TNFSF4: variants seen among roughly 807,000 people sequenced by gnomAD.
TNFSF4 encodes the protein TNF superfamily member 4, also known as tumor necrosis factor ligand superfamily member 4.
A neutral mutation model predicts 7.3 loss-of-function variants in TNFSF4; 4 were observed. The ratio of observed to expected loss-of-function variants is 0.55; its 90% CI spans 0.27 to 1.25. The LOEUF is 1.25. Ranked by LOEUF, TNFSF4 falls within the 50% of genes most tolerant of loss-of-function variation. The pLI is 0.12. For synonymous variants in TNFSF4, 76 were observed against 83.7 expected, an observed-to-expected ratio of 0.91 and a Z score of 0.50; for missense variants, 181 against 208.8, an observed-to-expected ratio of 0.87 and a Z score of 0.82.
chr1:173,420,213 C>CA, the TNFSF4 span, among the ~76,000 whole-genome samples: 232 of 146,792 alleles, frequency 1.6e-3, 3 homozygotes, highest in African/African-American at 8.5e-4. Context: ...AACAAACAAA[C>CA]AAAAAAAAAA....
chr1:173,371,765 A>C, the TNFSF4 span, among the ~76,000 whole-genome samples: 4 of 152,156 alleles, frequency 2.6e-5, no homozygotes, highest in Non-Finnish European at 4.4e-5. Context: ...CTCAAATACC[A>C]GAGGAAGCAG....
At chr1:173,313,099 A>G in the TNFSF4 span, among the ~76,000 whole-genome samples, 6 of 152,048 alleles carry the variant, frequency 3.9e-5, no homozygotes, top group South Asian at 4.1e-4. Flanking sequence ...TTTCTACTAA[A>G]TAGTTGAAAA....
chr1:173,448,278 T>C, the TNFSF4 span, among the ~76,000 whole-genome samples: 6 of 152,176 alleles, frequency 3.9e-5, no homozygotes, highest in African/African-American at 1.2e-4. Flanking sequence ...TTTACCTTTA[T>C]AAAACACTCT....
At chr1:173,429,837 C>A in the TNFSF4 span, among the ~76,000 whole-genome samples, 4 of 152,196 alleles carry the variant, frequency 2.6e-5, no homozygotes, top group African/African-American at 9.7e-5. Flanking sequence ...TGCCAAGACC[C>A]CTTAAAGTGA....
At chr1:173,187,159 C>T (rs1189814733) in intron 2 of TNFSF4, among the ~76,000 whole-genome samples, 1 of 152,112 alleles carries the variant, frequency 6.6e-6, no homozygotes, top group African/African-American at 2.4e-5. Flanking sequence ...AATGTTAACA[C>T]TAATGCCCAA....
upstream of TNFSF4, among the ~76,000 whole-genome samples, chr1:173,211,240 C>T (rs946292060): frequency 3.9e-5 from 6 of 152,154 alleles, no homozygotes; most frequent in South Asian, 2.1e-4. Flanking sequence ...AGAGTGATGT[C>T]GGAGGTGACA....
At chr1:173,349,412 G>A in the TNFSF4 span, among the ~76,000 whole-genome samples, 3 of 152,152 alleles carry the variant, frequency 2.0e-5, no homozygotes, top group Admixed American at 6.5e-5. Flanking sequence ...AAATGTATTC[G>A]ATGGACTTTT....
At chr1:173,307,634 G>C in the TNFSF4 span, among the ~76,000 whole-genome samples, 1 of 151,844 alleles carries the variant, frequency 6.6e-6, no homozygotes, top group South Asian at 2.1e-4. Flanking sequence ...ATGTAAAGAA[G>C]GTCTTTTGTT....
chr1:173,377,244 C>A, the TNFSF4 span, among the ~76,000 whole-genome samples: 1 of 152,182 alleles, frequency 6.6e-6, no homozygotes, highest in Admixed American at 6.5e-5. Flanking sequence ...CTATTCTGTC[C>A]TATTTTTCCT....
the TNFSF4 span, among the ~76,000 whole-genome samples, chr1:173,450,560 ATAT>A: frequency 6.6e-6 from 1 of 151,840 alleles, no homozygotes; most frequent in Non-Finnish European, 1.5e-5. Flanking sequence ...TATTTAAAAG[ATAT>A]TAATAATATG....
At chr1:173,208,913 T>C (rs1038567388), upstream of TNFSF4, among the ~76,000 whole-genome samples, 3 of 150,156 alleles carry the variant, frequency 2.0e-5, no homozygotes, top group South Asian at 2.1e-4. Context: ...TAGTAAAAAC[T>C]ATTCATGCTG....
the TNFSF4 span, among the ~76,000 whole-genome samples, chr1:173,229,505 T>C: frequency 1.3e-5 from 2 of 152,168 alleles, no homozygotes; most frequent in Non-Finnish European, 2.9e-5. Context: ...CCATCGATGC[T>C]AGGAAGAAAT....
chr1:173,333,342 C>T, the TNFSF4 span, among the ~76,000 whole-genome samples: 7 of 152,040 alleles, frequency 4.6e-5, no homozygotes, highest in East Asian at 1.4e-3. Context: ...AACATAAAAG[C>T]TGACCCTCTT....
At chr1:173,314,076 C>T in the TNFSF4 span, among the ~76,000 whole-genome samples, 2 of 151,876 alleles carry the variant, frequency 1.3e-5, no homozygotes, top group African/African-American at 4.8e-5. Context: ...ATCCTACTGT[C>T]ATCTTTACAT....
At chr1:173,391,450 A>G in the TNFSF4 span, among the ~76,000 whole-genome samples, 2 of 128,818 alleles carry the variant, frequency 1.6e-5, no homozygotes, top group African/African-American at 5.2e-5. Context: ...AAAAAAAAAA[A>G]AAAAAAAAAA....
chr1:173,434,844 T>C, the TNFSF4 span, among the ~76,000 whole-genome samples: 1 of 152,220 alleles, frequency 6.6e-6, no homozygotes, highest in African/African-American at 2.4e-5. Context: ...TCCAGAGAAA[T>C]TCTCAGTGTC....
the TNFSF4 span, among the ~76,000 whole-genome samples, chr1:173,226,849 A>G: frequency 6.6e-6 from 1 of 152,236 alleles, no homozygotes; most frequent in Non-Finnish European, 1.5e-5. Flanking sequence ...ACTCTCTTAC[A>G]AGATTTGCAG....
At chr1:173,177,173 A>G in the TNFSF4 span, among the ~76,000 whole-genome samples, 1 of 152,146 alleles carries the variant, frequency 6.6e-6, no homozygotes, top group African/African-American at 2.4e-5. Flanking sequence ...TGCATATTTT[A>G]CCACTGAATT....
the TNFSF4 span, among the ~76,000 whole-genome samples, chr1:173,318,440 C>A: frequency 1.3e-5 from 2 of 152,148 alleles, no homozygotes; most frequent in Non-Finnish European, 2.9e-5. Context: ...ACTCCTAAAG[C>A]CATTATCAGT....
Sources: gnomAD v4.1 joint callset for allele counts (sites outside exome capture counted in the v4.1 genomes callset) on GRCh38, gnomAD v4.1.1 for gene constraint, MANE v1.5 for transcripts, NCBI Gene and HGNC (gene_info 2026-07-23, HGNC 2026-07-21) for gene names.